Variants in ARAP2 observed in about 807,000 individuals in gnomAD.
ARAP2 encodes the protein ArfGAP with RhoGAP domain, ankyrin repeat and PH domain 2, also known as arf-GAP with Rho-GAP domain, ANK repeat and PH domain-containing protein 2.
Under a neutral mutation model 194.5 loss-of-function variants are expected in ARAP2, and 148 were observed. That is an observed-to-expected ratio of 0.76 (90% CI 0.67 to 0.87). The LOEUF is 0.87. ARAP2 is among the 40% of genes least tolerant of loss of function. The pLI, the probability that ARAP2 is intolerant of heterozygous loss-of-function variation, is 0.00. For synonymous variants in ARAP2, 695 were observed against 683.5 expected, an observed-to-expected ratio of 1.02 and a Z score of -0.26; for missense variants, 2,128 against 1,989.7, an observed-to-expected ratio of 1.07 and a Z score of -1.32.
chr4:36,096,786 G>T (rs1715445019), intron 27 of ARAP2, among the ~76,000 whole-genome samples: 1 of 152,078 alleles, frequency 6.6e-6, no homozygotes, highest in South Asian at 2.1e-4. Flanking sequence ...CAATTCCACA[G>T]AGAAATATTG....
chr4:36,147,319 A>C lies in ARAP2; in HGVS notation c.3240T>G (p.Val1080=), dbSNP rs1342512027. 1 of 1,612,910 alleles carries C rather than the reference A, an allele frequency of 6.2e-7. No individual in the cohort carries two copies. The highest frequency in any genetic ancestry group is 1.3e-5 in the African/African-American group (1 of 74,854). The change falls in exon 19 of 33, where the codon GTT becomes GTG. Residue 1080 remains valine (V), a synonymous_variant. Coordinates refer to ENST00000303965, the MANE Select transcript of ARAP2 (RefSeq NM_015230.4). ...TMVQNGEKLD[V]LLLVEKGRTL... is the part of the protein sequence containing the mutation. ...ACCTCCCTTTTTCTACCAAGAGTAA[A>C]ACATCCAGTTTTTCCCCATTTTGAA...
At chr4:36,032,000 T>C (rs1030272113) in intron 5 of ARAP2, among the ~76,000 whole-genome samples, 2 of 152,154 alleles carry the variant, frequency 1.3e-5, no homozygotes, top group African/African-American at 2.4e-5. Flanking sequence ...ATATTTTTTA[T>C]TAAAAGCTGT....
downstream of ARAP2, among the ~76,000 whole-genome samples, chr4:36,061,890 T>C (rs1724501731): frequency 6.6e-6 from 1 of 152,214 alleles, no homozygotes; most frequent in African/African-American, 2.4e-5. Context: ...ATTTGCATTT[T>C]TCTGCCAACT....
rs1560264746 is a variant in ARAP2, at chr4:36,014,309, G to GAGA, written n.1056+1076_1056+1077insTCT. 1.5e-3 allele frequency among the ~76,000 whole-genome samples: 126 copies of GAGA among 85,228 alleles called. 11 individuals carry two copies. The highest frequency in any genetic ancestry group is 6.5e-3 in the African/African-American group (118 of 18,138). The allele number at this position is 85,228 out of a possible 152,430, so 55.9% of individuals were successfully genotyped here. ...AGAAAGAAAGAAAGAAGAGAAGGAAGGAAAGAAAGAAAGAGAGAAAGAAAG... is the reference window on the plus strand; with the variant it reads ...AGAAAGAAAGAAAGAAGAGAAGGAAGAGAGAAAGAAAGAAAGAGAGAAAGAAAG... On this transcript the variant is annotated intron_variant and non_coding_transcript_variant, in intron 8 of 12. Coordinates refer to the ARAP2 transcript ENST00000503225.
At chr4:36,023,280 G>A (rs982743496) in intron 5 of ARAP2, among the ~76,000 whole-genome samples, 1 of 152,146 alleles carries the variant, frequency 6.6e-6, no homozygotes, top group Non-Finnish European at 1.5e-5. Context: ...TGATGGAATG[G>A]ACGAGATGAA....
Position 36,159,333 on chromosome 4 carries a change from G to A in ARAP2, c.2615C>T (p.Ser872Leu). 4 of 1,597,056 alleles carry A rather than the reference G, an allele frequency of 2.5e-6. No individual in the cohort carries two copies. The highest frequency in any genetic ancestry group is 2.2e-5 in the South Asian group (2 of 88,952). The change falls in exon 14 of 33, where the codon TCA (serine) becomes TTA (leucine). Residue 872 changes from serine (S) to leucine (L), a missense_variant and splice_region_variant. By Grantham distance (145) the Ser-to-Leu change is moderately radical. Coordinates refer to ENST00000303965, the MANE Select transcript of ARAP2 (RefSeq NM_015230.4). ...QMEFLYHNKF[S>L]DFPQHDIHSE... is the part of the protein sequence containing the mutation. ...TTAATGAAGAGACAGTGACGAACCT[G>A]AGAATTTGTTATGGTAGAGAAATTC...
At chr4:36,175,640 G>GGT (rs373905800) in intron 9 of ARAP2, among the ~76,000 whole-genome samples, 3 of 151,946 alleles carry the variant, frequency 2.0e-5, no homozygotes, top group East Asian at 1.9e-4. Context: ...ACATTTTAAA[G>GGT]GTGTGTGTGT....
intron 19 of ARAP2, among the ~76,000 whole-genome samples, chr4:36,134,694 T>C (rs143135204): frequency 1.1e-3 from 161 of 151,140 alleles, no homozygotes; most frequent in African/African-American, 3.8e-3. Flanking sequence ...TCTGTCATTC[T>C]CCTTTACTTA....
At chr4:36,158,614 A>C (rs1316733445) in intron 15 of ARAP2, 116 bp downstream of exon 15, 1 of 863,552 alleles carries the variant, frequency 1.2e-6, no homozygotes, top group African/African-American at 1.8e-5. Flanking sequence ...CCTCAAAAAT[A>C]TCTCTACTTG....
chr4:36,051,042 A>G (rs537914334), intron 3 of ARAP2, among the ~76,000 whole-genome samples: 1 of 152,356 alleles, frequency 6.6e-6, no homozygotes, highest in South Asian at 2.1e-4. Context: ...TATCTCACGT[A>G]TCATGAAGAC....
rs114944531 is a variant in ARAP2, at chr4:36,218,310, C to T, written c.906-3830G>A. ...AAAGAGGGAACAACAGACACTGTGG[C>T]CTACTAGAAGTGGGGAAGTGAGAGG... is the stretch of plus-strand genomic sequence containing the variant. On this transcript the variant is annotated intron_variant, in intron 2 of 32. Transcript: ENST00000303965. Among the ~76,000 whole-genome samples, 1,224 of 152,008 alleles carry T rather than the reference C, an allele frequency of 8.1e-3. 23 individuals are homozygous for T. Among genetic ancestry groups the T allele is most frequent in the African/African-American group, 0.028 (1,175 of 41,452 alleles).
At chr4:36,012,835 T>A (rs1714797009) in intron 8 of ARAP2, 1 of 152,206 alleles carries the variant, frequency 6.6e-6, no homozygotes, top group African/African-American at 2.4e-5. Flanking sequence ...CTCTTTCCTG[T>A]GGAAGACATA....
intron 8 of ARAP2, among the ~76,000 whole-genome samples, chr4:36,181,312 G>A (rs1253084175): frequency 6.6e-6 from 1 of 152,074 alleles, no homozygotes; most frequent in Non-Finnish European, 1.5e-5. Context: ...TTGTGATTAT[G>A]CTAGAATGTA....
downstream of ARAP2, among the ~76,000 whole-genome samples, chr4:36,064,206 CTT>C (rs3055214): frequency 0.79 from 114,465 of 144,172 alleles, 46,411 homozygotes; most frequent in Middle Eastern, 0.89. Context: ...TTTTTTCTTT[CTT>C]TTTTTTTTTT....
intron 19 of ARAP2, among the ~76,000 whole-genome samples, chr4:36,136,297 A>G (rs1385648694): frequency 6.6e-6 from 1 of 151,796 alleles, no homozygotes; most frequent in African/African-American, 2.4e-5. Context: ...ATGAACTCTA[A>G]TTACAGAGAA....
At position 36,161,635 on chromosome 4, in the gene ARAP2, G is replaced by A. The variant is rs1418664440; in HGVS notation, c.2174-85C>T. On this transcript the variant is annotated intron_variant, in intron 11 of 32. Transcript: ENST00000303965. ...GTTTTGAAAGAAAGTGCATATGTCT[G>A]TGTATGTTCGTTGCGTATCTTCTCA... 1.0e-5 allele frequency: 11 copies of A among 1,067,884 alleles called. No individual in the cohort carries two copies. In the East Asian group the frequency reaches 2.5e-4, roughly 24 times the overall value. 66.2% of individuals were successfully genotyped at this position (1,067,884 alleles called of 1,614,324 possible). A position where few individuals can be genotyped will look rare whatever the true frequency, so the allele number is the denominator to read the frequency against.
chr4:36,093,347 G>T (rs1183200876), intron 27 of ARAP2, among the ~76,000 whole-genome samples: 9 of 151,786 alleles, frequency 5.9e-5, no homozygotes, highest in Non-Finnish European at 1.2e-4. Context: ...ATGTACCCCT[G>T]AACTTAAAAG....
chr4:36,221,798 T>G (rs146980186), intron 2 of ARAP2, among the ~76,000 whole-genome samples: 2 of 152,282 alleles, frequency 1.3e-5, no homozygotes, highest in Non-Finnish European at 2.9e-5. Context: ...ATTAATAAAT[T>G]ATCACAACCT....
At chr4:36,241,159 C>G (rs1401519537) in intron 1 of ARAP2, among the ~76,000 whole-genome samples, 1 of 152,132 alleles carries the variant, frequency 6.6e-6, no homozygotes, top group East Asian at 1.9e-4. Flanking sequence ...AATTTTAAAA[C>G]TTTTGTATAA....
Sources: gnomAD v4.1 joint callset for allele counts (sites outside exome capture counted in the v4.1 genomes callset) on GRCh38, gnomAD v4.1.1 for gene constraint, MANE v1.5 for transcripts, NCBI Gene and HGNC (gene_info 2026-07-23, HGNC 2026-07-21) for gene names.